CFAP74: variants seen among roughly 807,000 people sequenced by gnomAD.
CFAP74 encodes cilia- and flagella-associated protein 74.
CFAP74 carries 124 observed loss-of-function variants against 188.9 expected under a neutral mutation model. The observed-to-expected ratio is 0.66, with a 90% CI of 0.57 to 0.76. CFAP74 has a LOEUF of 0.76. CFAP74 is among the 30% of genes least tolerant of loss of function. The pLI, the probability that CFAP74 is intolerant of heterozygous loss-of-function variation, is 0.00. For missense variants in CFAP74, 2,198 were observed against 2,165.2 expected, an observed-to-expected ratio of 1.02 and a Z score of -0.30; for synonymous variants, 956 against 916.7, an observed-to-expected ratio of 1.04 and a Z score of -0.77.
At position 1,952,612 on chromosome 1, in the gene CFAP74, A is replaced by C. The variant is rs546495688; in HGVS notation, c.2176+3079T>G. ...AGAAAAAGAAAGAAAGAAAGAAAGA[A>C]AGACAGACCTAGTTAAATGAGGAGA... is the stretch of plus-strand genomic sequence containing the variant. On this transcript the variant is annotated intron_variant, in intron 18 of 38. Transcript: ENST00000682832. Among the ~76,000 whole-genome samples the C allele has an allele frequency of 7.2e-5, 11 of 151,956 alleles. No individual in the cohort carries two copies. The South Asian group carries it at 1.0e-3, about 14-fold the overall frequency.
intron 18 of CFAP74, among the ~76,000 whole-genome samples, chr1:1,949,128 C>T (rs2102054924): frequency 2.3e-5 from 2 of 86,282 alleles, no homozygotes; most frequent in African/African-American, 8.4e-5. Flanking sequence ...TCTTCCCTTC[C>T]CTCCCTCCCT....
chr1:1,981,668 G>A (rs1217425799), intron 6 of CFAP74, among the ~76,000 whole-genome samples: 9 of 99,150 alleles, frequency 9.1e-5, no homozygotes, highest in African/African-American at 3.0e-4. Flanking sequence ...ACAGGGGCAC[G>A]CAGGACACCC....
At chr1:1,991,554 G>C (rs576260878) in intron 1 of CFAP74, among the ~76,000 whole-genome samples, 1 of 152,210 alleles carries the variant, frequency 6.6e-6, no homozygotes, top group South Asian at 2.1e-4. Context: ...AGTGAGCCGA[G>C]ATAGTGCCAC....
At chr1:1,995,470 C>T (rs1223610707) in intron 1 of CFAP74, among the ~76,000 whole-genome samples, 3 of 145,004 alleles carry the variant, frequency 2.1e-5, no homozygotes, top group Admixed American at 7.0e-5. Context: ...CCAGCCTGGG[C>T]GACAGAATGA....
At chr1:1,955,370 G>A (rs148649555) in intron 18 of CFAP74, 13 of 1,351,164 alleles carry the variant, frequency 9.6e-6, no homozygotes, top group Admixed American at 8.8e-5. Flanking sequence ...GAAGCCCCCC[G>A]CAGCCCGGCC....
At chr1:1,986,151 G>A (rs1017620132) in intron 5 of CFAP74, among the ~76,000 whole-genome samples, 3 of 152,192 alleles carry the variant, frequency 2.0e-5, no homozygotes, top group Admixed American at 6.5e-5. Context: ...TTGGGAGGCC[G>A]AGGCGGGTGG....
chr1:1,980,109 C>T (rs561157507), intron 6 of CFAP74, among the ~76,000 whole-genome samples: 5 of 137,810 alleles, frequency 3.6e-5, no homozygotes, highest in Middle Eastern at 3.8e-3. Context: ...TCTAAGCCAC[C>T]GGCACAGATC....
chr1:1,967,515 G>A (rs1655554977), intron 11 of CFAP74, among the ~76,000 whole-genome samples: 1 of 152,150 alleles, frequency 6.6e-6, no homozygotes, highest in Non-Finnish European at 1.5e-5. Flanking sequence ...ATCGGCGGGT[G>A]CAAAGGCCCC....
chr1:1,955,787 G>A lies in CFAP74; in HGVS notation c.2080C>T (p.Gln694Ter). 6.2e-7 allele frequency: 1 copy of A among 1,614,220 alleles called. No homozygotes were observed. Reference protein sequence around the residue: ...YDKAATSFSEQQLEGTESSQA... With the variant: ...YDKAATSFSE ...GAGGACTCCGTGCCCTCTAGCTGCT[G>A]CTCAGAGAAGCTGGTGGCGGCTTTG... The change falls in exon 18 of 39, where the codon CAG (glutamine) becomes TAG (stop). Residue 694 changes from glutamine to a stop codon, truncating the protein, a stop_gained. Transcript: ENST00000682832. LOFTEE classifies it high-confidence loss of function.
intron 12 of CFAP74, among the ~76,000 whole-genome samples, 155 bp downstream of exon 12, chr1:1,966,216 C>T (rs565464652): frequency 5.9e-5 from 9 of 152,138 alleles, no homozygotes; most frequent in African/African-American, 1.9e-4. Flanking sequence ...AGGCGGGGGG[C>T]GTCCACACAC....
intron 8 of CFAP74, 99 bp from the exon 9 acceptor site, chr1:1,972,181 A>G: frequency 1.1e-6 from 1 of 879,790 alleles, no homozygotes; most frequent in Non-Finnish European, 1.9e-6. Context: ...CCCAGGCTCA[A>G]GTGATCCTCC....
chr1:1,930,135 C>G lies in CFAP74; in HGVS notation c.3213G>C (p.Thr1071=). ...GSEDASPMGP[T]SFEFLLPPDS... ...CTGGGGGCAGCAGGAACTCGAAAGA[C>G]GTGGGCCCCATGGGAGAGGCGTCCT... Residue 1071 remains threonine (T), a synonymous_variant, in exon 26 of 39, where the codon ACG becomes ACC. Coordinates refer to ENST00000682832, the MANE Select transcript of CFAP74 (RefSeq NM_001304360.2). 2.0e-6 allele frequency: 3 copies of G among 1,535,548 alleles called. No individual in the cohort carries two copies. Among genetic ancestry groups the G allele is most frequent in the Non-Finnish European group, 2.6e-6 (3 of 1,146,646 alleles).
chr1:1,929,524 C>A (rs1456773571), intron 26 of CFAP74, among the ~76,000 whole-genome samples: 3 of 149,082 alleles, frequency 2.0e-5, no homozygotes, highest in Admixed American at 1.3e-4. Flanking sequence ...TGAATGAAAT[C>A]CATTTTGAAT....
intron 14 of CFAP74, 127 bp downstream of exon 14, chr1:1,963,622 C>G: frequency 1.7e-6 from 1 of 604,618 alleles, no homozygotes; most frequent in East Asian, 2.9e-5. Context: ...ACAAAATCTT[C>G]GTGAAAATCG....
rs949769098 is a variant in CFAP74 at position 1,960,207 on chromosome 1, G to A, written c.1695-177C>T. 99 of 604,356 alleles carry A rather than the reference G, an allele frequency of 1.6e-4. No homozygotes were observed. The Middle Eastern group carries it at 1.6e-3, about 10-fold the overall frequency. The allele number at this position is 604,356 out of a possible 1,614,324, so 37.4% of individuals were successfully genotyped here. On this transcript the variant is annotated intron_variant, in intron 14 of 38. Coordinates refer to ENST00000682832, the MANE Select transcript of CFAP74 (RefSeq NM_001304360.2). ...TGGATCTGCTGCATTCCCTGCTGCC[G>A]CCAGTACCTGGCAGGCAGGGGGCGC...
intron 6 of CFAP74, among the ~76,000 whole-genome samples, chr1:1,979,444 G>A (rs1656671997): frequency 7.1e-6 from 1 of 140,028 alleles, no homozygotes; most frequent in African/African-American, 2.6e-5. Context: ...GGCGTGGGAA[G>A]GCGTCACGTG....
At chr1:1,936,217 CAAAAAAA>C (rs112657762) in intron 25 of CFAP74, among the ~76,000 whole-genome samples, 1 of 100,082 alleles carries the variant, frequency 1.0e-5, no homozygotes, top group African/African-American at 3.4e-5. Flanking sequence ...TGCTCCGTCT[CAAAAAAA>C]AAAAAAAGAA....
intron 10 of CFAP74, 143 bp downstream of exon 10, chr1:1,970,516 G>C: frequency 1.1e-6 from 1 of 901,028 alleles, no homozygotes; most frequent in Non-Finnish European, 1.6e-6. Context: ...TGGAGCCCCT[G>C]TTCCCGTGCC....
intron 14 of CFAP74, among the ~76,000 whole-genome samples, chr1:1,962,771 G>C (rs932655434): frequency 6.6e-6 from 1 of 152,106 alleles, no homozygotes; most frequent in Admixed American, 6.6e-5. Flanking sequence ...TGTGGTCCCA[G>C]TTACTCAGGA....
Sources: gnomAD v4.1 joint callset for allele counts (sites outside exome capture counted in the v4.1 genomes callset) on GRCh38, gnomAD v4.1.1 for gene constraint, MANE v1.5 for transcripts, NCBI Gene and HGNC (gene_info 2026-07-23, HGNC 2026-07-21) for gene names.